Variants in DCT observed in about 807,000 individuals in gnomAD.
DCT encodes L-dopachrome tautomerase.
Under a neutral mutation model 53.0 loss-of-function variants are expected in DCT, and 47 were observed. The observed-to-expected ratio is 0.89, with a 90% confidence interval of 0.70 to 1.13. The LOEUF (loss-of-function observed/expected upper bound fraction) is 1.13. Among genes scored for constraint, DCT ranks in the 50% most tolerant of loss-of-function variants. The pLI, the probability that DCT is intolerant of heterozygous loss-of-function variation, is 0.00. For synonymous variants in DCT, 244 were observed against 237.0 expected, an observed-to-expected ratio of 1.03 and a Z score of -0.27; for missense variants, 669 against 637.4, an observed-to-expected ratio of 1.05 and a Z score of -0.53.
At chr13:94,483,435 G>A (rs574640045), upstream of DCT, among the ~76,000 whole-genome samples, 32 of 123,030 alleles carry the variant, frequency 2.6e-4, 1 homozygote, top group African/African-American at 8.1e-4. Context: ...TCCCACAGGC[G>A]TTTCTCCCTT....
the DCT span, among the ~76,000 whole-genome samples, chr13:94,523,711 A>G: frequency 6.6e-6 from 1 of 152,150 alleles, no homozygotes; most frequent in African/African-American, 2.4e-5. Flanking sequence ...CTGATCAGAG[A>G]CACTTTTGCC....
At chr13:94,509,850 A>G in the DCT span, among the ~76,000 whole-genome samples, 57 of 152,310 alleles carry the variant, frequency 3.7e-4, no homozygotes, top group African/African-American at 1.2e-3. Context: ...TCACTATACC[A>G]TAAGCTCCAC....
chr13:94,474,143 GA>G (rs1161905304), intron 1 of DCT, among the ~76,000 whole-genome samples: 2 of 151,716 alleles, frequency 1.3e-5, no homozygotes, highest in Admixed American at 6.6e-5. Context: ...ATGGAGAGAG[GA>G]AAAAAAATGA....
chr13:94,445,750 G>T, intron 6 of DCT: 3 of 1,583,732 alleles, frequency 1.9e-6, no homozygotes, highest in Non-Finnish European at 2.6e-6. Flanking sequence ...TTCCTTGGTC[G>T]CTTTCTCTTT....
chr13:94,470,016 A>C (rs1884533602), intron 1 of DCT, among the ~76,000 whole-genome samples: 1 of 152,108 alleles, frequency 6.6e-6, no homozygotes, highest in African/African-American at 2.4e-5. Flanking sequence ...TAGAGGTTGC[A>C]ATGAGCCGAG....
the DCT span, among the ~76,000 whole-genome samples, chr13:94,539,768 A>T: frequency 3.9e-5 from 6 of 152,190 alleles, no homozygotes; most frequent in Admixed American, 3.9e-4. Context: ...TGAATACAAA[A>T]ATATGGTTTG....
chr13:94,484,088 T>C (rs1256080329), upstream of DCT, among the ~76,000 whole-genome samples: 1 of 152,226 alleles, frequency 6.6e-6, no homozygotes, highest in African/African-American at 2.4e-5. Context: ...CAGCTGCACA[T>C]CCACCACATG....
At chr13:94,548,313 G>A in the DCT span, among the ~76,000 whole-genome samples, 2 of 152,062 alleles carry the variant, frequency 1.3e-5, no homozygotes, top group South Asian at 2.1e-4. Context: ...AGGAATTAAT[G>A]TCCAATTAGA....
At chr13:94,515,088 C>G in the DCT span, among the ~76,000 whole-genome samples, 3 of 152,128 alleles carry the variant, frequency 2.0e-5, no homozygotes, top group South Asian at 2.1e-4. Context: ...GAGAACACAA[C>G]AAGAAGATGG....
intron 4 of DCT, among the ~76,000 whole-genome samples, chr13:94,462,474 T>A (rs1225957332): frequency 6.6e-6 from 1 of 151,672 alleles, no homozygotes; most frequent in Non-Finnish European, 1.5e-5. Context: ...CCCTCCAGCC[T>A]TAGTGACAGA....
intron 6 of DCT, among the ~76,000 whole-genome samples, chr13:94,459,108 G>A (rs559374549): frequency 1.3e-5 from 2 of 152,182 alleles, no homozygotes; most frequent in African/African-American, 4.8e-5. Flanking sequence ...TGAACTCCTA[G>A]GCACAAGTGA....
intron 6 of DCT, among the ~76,000 whole-genome samples, chr13:94,449,623 CTAATT>C (rs1246409889): frequency 1.3e-5 from 2 of 152,140 alleles, no homozygotes; most frequent in Non-Finnish European, 2.9e-5. Context: ...TATGGGAACT[CTAATT>C]TAAAACTTAA....
the DCT span, among the ~76,000 whole-genome samples, chr13:94,526,206 C>T: frequency 5.9e-5 from 9 of 152,298 alleles, no homozygotes; most frequent in East Asian, 1.4e-3. Flanking sequence ...ATTTAGTTAA[C>T]ACACATCTAC....
At chr13:94,496,950 G>T in the DCT span, among the ~76,000 whole-genome samples, 1 of 152,118 alleles carries the variant, frequency 6.6e-6, no homozygotes, top group Non-Finnish European at 1.5e-5. Flanking sequence ...AGACTCACAG[G>T]GAACACGTTA....
chr13:94,507,847 T>C, the DCT span, among the ~76,000 whole-genome samples: 1 of 152,240 alleles, frequency 6.6e-6, no homozygotes, highest in Non-Finnish European at 1.5e-5. Context: ...ATTAGCTCAG[T>C]TTTAATTAAT....
chr13:94,516,056 G>T, the DCT span, among the ~76,000 whole-genome samples: 1 of 17,558 alleles, frequency 5.7e-5, no homozygotes, highest in African/African-American at 2.5e-4. Flanking sequence ...CCCACCCACC[G>T]TCTAACTTTA....
chr13:94,499,469 T>G, the DCT span, among the ~76,000 whole-genome samples: 1 of 151,708 alleles, frequency 6.6e-6, no homozygotes, highest in Non-Finnish European at 1.5e-5. Flanking sequence ...AGAGTGAGTG[T>G]GTGTGTGTGT....
chr13:94,477,671 AT>A (rs1056272255), intron 1 of DCT, among the ~76,000 whole-genome samples: 2 of 151,010 alleles, frequency 1.3e-5, no homozygotes, highest in African/African-American at 4.9e-5. Context: ...AAAAAAAAAA[AT>A]CGAATGTCAT....
At position 94,439,772 on chromosome 13, in the gene DCT, T is replaced by C. The variant is rs1882144412; in HGVS notation, c.*126A>G. 5.8e-6 allele frequency: 4 copies of C among 685,070 alleles called. No homozygotes were observed. Among genetic ancestry groups the C allele is most frequent in the East Asian group, 5.4e-5 (2 of 36,922 alleles). 42.4% of individuals were successfully genotyped at this position (685,070 alleles called of 1,614,324 possible). A position where few individuals can be genotyped will look rare whatever the true frequency, so the allele number is the denominator to read the frequency against. ...AAGCATCTTCTGAATGAGATCATCA[T>C]CACTATAGAAGAACCTATGTCAAAG... On this transcript the variant is annotated 3_prime_UTR_variant, in exon 8 of 8. Coordinates refer to ENST00000377028, the MANE Select transcript of DCT (RefSeq NM_001922.5).
Sources: gnomAD v4.1 joint callset for allele counts (sites outside exome capture counted in the v4.1 genomes callset) on GRCh38, gnomAD v4.1.1 for gene constraint, MANE v1.5 for transcripts, NCBI Gene and HGNC (gene_info 2026-07-23, HGNC 2026-07-21) for gene names.